The following MS4A14 variants were observed in gnomAD, a reference collection of about 807,000 sequenced individuals.
MS4A14 encodes the protein membrane spanning 4-domains A14, also known as membrane-spanning 4-domains subfamily A member 14.
A neutral mutation model predicts 16.7 loss-of-function variants in MS4A14; 18 were observed. That is an observed-to-expected ratio of 1.08 (90% CI 0.75 to 1.60). MS4A14 has a LOEUF of 1.60. Ranked by LOEUF, MS4A14 falls within the 40% of genes most tolerant of loss-of-function variation. The pLI is 0.00. For missense variants in MS4A14, 812 were observed against 775.3 expected (o/e 1.05, Z -0.56); for synonymous variants, 305 against 289.4 (o/e 1.05, Z -0.55).
Position 60,409,579 on chromosome 11 carries a change from TTA to T in MS4A14, c.469-5844_469-5843del, listed in dbSNP as rs148216317. ...ATATATGTAATATATAATGTATATT[TTA>T]TATATATATATATTACATTTTCTTT... On this transcript the variant is annotated intron_variant, in intron 4 of 4. Coordinates refer to ENST00000300187, the MANE Select transcript of MS4A14 (RefSeq NM_032597.5). Among the ~76,000 whole-genome samples the T allele has an allele frequency of 5.9e-4, 88 of 148,090 alleles. 1 individual carries two copies. Among genetic ancestry groups the T allele is most frequent in the East Asian group, 4.9e-3 (25 of 5,100 alleles).
chr11:60,409,023 G>T (rs999658167), intron 4 of MS4A14, among the ~76,000 whole-genome samples: 2 of 152,088 alleles, frequency 1.3e-5, no homozygotes, highest in African/African-American at 4.8e-5. Flanking sequence ...TTCAATTTAT[G>T]ATTGACACAT....
rs2085928081 is a variant in MS4A14, at chr11:60,415,626, C to T, written c.658C>T (p.Gln220Ter). ...LTLSRSPLVS[Q>*]PGNKGREFVP... is the part of the protein sequence containing the mutation. ...ACTCTCTAGGAGTCCTTTAGTCTCCCAACCAGGTAATAAAGGTAGAGAATT... is the reference window on the plus strand; with the variant it reads ...ACTCTCTAGGAGTCCTTTAGTCTCCTAACCAGGTAATAAAGGTAGAGAATT... The change falls in exon 5 of 5, where the codon CAA becomes TAA. Residue 220 changes from glutamine (Q) to a stop codon, truncating the protein, a stop_gained. Transcript: ENST00000300187. LOFTEE classifies it low-confidence loss of function (END_TRUNC). The T allele has an allele frequency of 4.3e-6, 7 of 1,613,614 alleles. No individual in the cohort carries two copies. The highest frequency in any genetic ancestry group is 5.9e-6 in the Non-Finnish European group (7 of 1,179,800).
rs1565172491 is a variant in MS4A14 at position 60,397,881 on chromosome 11, TGTGGGCTTTG to T, written c.170_179del (p.Val57GlufsTer39). On this transcript the variant is annotated frameshift_variant, in exon 2 of 5. Transcript: ENST00000300187. LOFTEE classifies it high-confidence loss of function. ...CCCAGATCCTGCTTGCTCTAATCAT[TGTGGGCTTTG>T]GAACTATATTTGCACTTAATTACAT... The T allele has an allele frequency of 9.1e-6, 2 of 219,902 alleles. No homozygotes were observed. Among genetic ancestry groups the T allele is most frequent in the Non-Finnish European group, 1.3e-5 (2 of 150,386 alleles). 13.6% of individuals were successfully genotyped at this position (219,902 alleles called of 1,614,324 possible). A position where few individuals can be genotyped will look rare whatever the true frequency, so the allele number is the denominator to read the frequency against.
Position 60,417,156 on chromosome 11 carries a change from A to G in MS4A14, c.*148A>G, listed in dbSNP as rs2085960758. ...CAAACCCAGCACGCAACAGCCCAAC[A>G]TAACCTAGAATGTCAAGACACTCAA... On this transcript the variant is annotated 3_prime_UTR_variant, in exon 5 of 5. Coordinates refer to ENST00000300187, the MANE Select transcript of MS4A14 (RefSeq NM_032597.5). 2.2e-6 allele frequency: 2 copies of G among 905,032 alleles called. No homozygotes were observed. Among genetic ancestry groups the G allele is most frequent in the South Asian group, 3.8e-5 (2 of 52,988 alleles). 56.1% of individuals were successfully genotyped at this position (905,032 alleles called of 1,614,324 possible).
intron 4 of MS4A14, among the ~76,000 whole-genome samples, chr11:60,414,165 A>T (rs962683924): frequency 1.3e-5 from 2 of 152,132 alleles, no homozygotes; most frequent in African/African-American, 2.4e-5. Flanking sequence ...AAACAGAGAA[A>T]CTATAATTAT....
intron 4 of MS4A14, among the ~76,000 whole-genome samples, chr11:60,414,518 T>C (rs2085910251): frequency 1.3e-5 from 2 of 151,870 alleles, no homozygotes; most frequent in East Asian, 3.9e-4. Context: ...ATTCATGGAG[T>C]CAGAATAAAA....
intron 3 of MS4A14, among the ~76,000 whole-genome samples, chr11:60,400,736 AC>A (rs1565173888): frequency 2.0e-5 from 3 of 151,994 alleles, no homozygotes; most frequent in Admixed American, 2.0e-4. Flanking sequence ...CCTGCCCTGC[AC>A]CCCCCAGGAC....
At position 60,396,606 on chromosome 11, in the gene MS4A14, G is replaced by A; in HGVS notation, c.28G>A (p.Ala10Thr). 1 of 1,613,910 alleles carries A rather than the reference G, an allele frequency of 6.2e-7. No individual in the cohort carries two copies. The highest frequency in any genetic ancestry group is 8.5e-7 in the Non-Finnish European group (1 of 1,179,940). MESTSQDRRATHVITIKPNE... is the reference protein window; with the variant it reads MESTSQDRRTTHVITIKPNE... ...GGAGTCAACATCCCAGGACAGAAGG[G>A]CAACTCACGTCATCACTATAAAACC... The change falls in exon 1 of 5, where the codon GCA becomes ACA. Residue 10 changes from alanine (A) to threonine (T), a missense_variant. Physicochemically the swap from Ala to Thr is moderately conservative, Grantham distance 58. Transcript: ENST00000300187.
chr11:60,413,481 C>A (rs76337206), intron 4 of MS4A14, among the ~76,000 whole-genome samples: 1 of 151,804 alleles, frequency 6.6e-6, no homozygotes, highest in Non-Finnish European at 1.5e-5. Context: ...TACCCTGTTG[C>A]GCAGATTTTT....
chr11:60,405,572 A>C lies in MS4A14; in HGVS notation c.468+2511A>C, dbSNP rs552937513. ...TTAGGGAAAAACAAACAAAATAGGC[A>C]TTATGGTATCCATGTTCCCACATGA... On this transcript the variant is annotated intron_variant, in intron 4 of 4. Transcript: ENST00000300187. Among the ~76,000 whole-genome samples the C allele has an allele frequency of 2.0e-5, 3 of 152,324 alleles. No homozygotes were observed. In the South Asian group the frequency reaches 6.2e-4, roughly 32 times the overall value.
chr11:60,415,158 G>A (rs1273664499), intron 4 of MS4A14, among the ~76,000 whole-genome samples: 1 of 152,038 alleles, frequency 6.6e-6, no homozygotes, highest in African/African-American at 2.4e-5. Flanking sequence ...GATATAAAAT[G>A]TCTCAGAAGC....
At chr11:60,397,780 C>T (rs1230950052) in intron 1 of MS4A14, 72 bp from the exon 2 acceptor site, 4 of 1,523,240 alleles carry the variant, frequency 2.6e-6, no homozygotes, top group Non-Finnish European at 2.7e-6. Flanking sequence ...GGAGGCACAC[C>T]CTGAGGGACG....
In MS4A14 at chr11:60,397,994, A is replaced by AT. The variant is rs1413718613; in HGVS notation, c.267+16dup. Reference sequence around the variant, plus strand: ...GGAGCACTTATTGTGAGTACTGTCGATTAGAAGCTTTGGAGAAATTGCTAT... The same window carrying AT: ...GGAGCACTTATTGTGAGTACTGTCGATTTAGAAGCTTTGGAGAAATTGCTAT... On this transcript the variant is annotated intron_variant, in intron 2 of 4. Transcript: ENST00000300187. 2.5e-6 allele frequency: 4 copies of AT among 1,611,972 alleles called. No homozygotes were observed. Among genetic ancestry groups the AT allele is most frequent in the Non-Finnish European group, 2.5e-6 (3 of 1,178,708 alleles).
intron 4 of MS4A14, among the ~76,000 whole-genome samples, chr11:60,405,081 C>CTT (rs370073179): frequency 1.0e-4 from 15 of 144,028 alleles, no homozygotes; most frequent in African/African-American, 2.3e-4. Flanking sequence ...TTTGGACCCA[C>CTT]TTTTTTTTTT....
intron 4 of MS4A14, among the ~76,000 whole-genome samples, chr11:60,406,609 A>C (rs1385299117): frequency 6.6e-6 from 1 of 152,254 alleles, no homozygotes; most frequent in Non-Finnish European, 1.5e-5. Flanking sequence ...GAGCCTGCTC[A>C]CTAAGTCCCA....
At chr11:60,408,319 TATAAC>T (rs895321124) in intron 4 of MS4A14, among the ~76,000 whole-genome samples, 1 of 152,218 alleles carries the variant, frequency 6.6e-6, no homozygotes, top group African/African-American at 2.4e-5. Flanking sequence ...GTGAAATATA[TATAAC>T]ATAATAGTTA....
chr11:60,408,206 G>A (rs1398464551), intron 4 of MS4A14, among the ~76,000 whole-genome samples: 1 of 152,044 alleles, frequency 6.6e-6, no homozygotes, highest in Admixed American at 6.6e-5. Context: ...TTATTTGTAG[G>A]TCTCTTTTGG....
At chr11:60,404,361 G>A (rs180865769) in intron 4 of MS4A14, among the ~76,000 whole-genome samples, 146 of 152,256 alleles carry the variant, frequency 9.6e-4, no homozygotes, top group African/African-American at 3.5e-3. Context: ...TGTCTCTTGG[G>A]CTGACCCCTG....
chr11:60,413,794 T>C (rs2085900174), intron 4 of MS4A14, among the ~76,000 whole-genome samples: 1 of 152,090 alleles, frequency 6.6e-6, no homozygotes, highest in Non-Finnish European at 1.5e-5. Context: ...GAGAAATTTC[T>C]CTGTGCCAGT....
Sources: allele counts gnomAD v4.1 joint callset (sites outside exome capture counted in the v4.1 genomes callset), GRCh38; gene constraint gnomAD v4.1.1; transcripts MANE v1.5; gene names NCBI Gene and HGNC (gene_info 2026-07-23, HGNC 2026-07-21).